ZNF845: variants seen among roughly 807,000 people sequenced by gnomAD.
ZNF845 encodes the protein zinc finger protein 845.
ZNF845 carries 59 observed loss-of-function variants against 76.1 expected under a neutral mutation model. The ratio of observed to expected loss-of-function variants is 0.78; its 90% CI spans 0.63 to 0.96. The LOEUF is 0.96. Ranked by LOEUF, ZNF845 falls within the 40% of genes least tolerant of loss-of-function variation. The pLI, the probability that ZNF845 is intolerant of heterozygous loss-of-function variation, is 0.00. For missense variants in ZNF845, 1,045 were observed against 1,172.8 expected (o/e 0.89, Z 1.59); for synonymous variants, 361 against 386.9 (o/e 0.93, Z 0.78).
chr19:53,343,647 CATAT>C (rs932134577), intron 2 of ZNF845, among the ~76,000 whole-genome samples: 12 of 152,138 alleles, frequency 7.9e-5, no homozygotes, highest in Non-Finnish European at 1.5e-4. Context: ...CATATACATA[CATAT>C]ATACACACAC....
At chr19:53,341,399 C>G (rs2085256102) in intron 2 of ZNF845, 77 bp downstream of exon 2, 19 of 1,599,512 alleles carry the variant, frequency 1.2e-5, no homozygotes, top group Non-Finnish European at 1.4e-5. Context: ...GGAATCTTCT[C>G]TGAGTCTGAA....
chr19:53,350,779 A>C (rs769904295), intron 3 of ZNF845, 39 bp from the exon 4 acceptor site: 1 of 1,594,554 alleles, frequency 6.3e-7, no homozygotes, highest in African/African-American at 1.4e-5. Context: ...TTTACCATCT[A>C]TACTTAAGTG....
Position 53,351,375 on chromosome 19 carries a change from C to T in ZNF845, c.700C>T (p.Gln234Ter). ...TTATAGCTCAGTCTTAAGGAAACATCAGATAATCCATTTAGGAGCGAAACA... is the reference window on the plus strand; with the variant it reads ...TTATAGCTCAGTCTTAAGGAAACATTAGATAATCCATTTAGGAGCGAAACA... Reference protein sequence around the residue: ...FNYSSVLRKHQIIHLGAKQYK... With the variant: ...FNYSSVLRKH Residue 234 changes from glutamine to a stop codon, truncating the protein, a stop_gained, in exon 4 of 4, where the codon CAG (glutamine) becomes TAG (stop). Coordinates refer to ENST00000458035, the MANE Select transcript of ZNF845 (RefSeq NM_138374.3). LOFTEE classifies it high-confidence loss of function. The T allele has an allele frequency of 6.2e-7, 1 of 1,614,174 alleles. No homozygotes were observed. The highest frequency in any genetic ancestry group is 8.5e-7 in the Non-Finnish European group (1 of 1,180,030).
At position 53,344,644 on chromosome 19, in the gene ZNF845, T is replaced by TGTTATGTTATGTTATG. The variant is rs1347350507; in HGVS notation, c.16-862_16-861insGTTATGTTATGTTATG. Among the ~76,000 whole-genome samples the TGTTATGTTATGTTATG allele has an allele frequency of 3.9e-4, 59 of 150,860 alleles. 1 individual carries two copies. Among genetic ancestry groups the TGTTATGTTATGTTATG allele is most frequent in the Admixed American group, 1.1e-3 (17 of 14,912 alleles). The stretch of plus-strand genomic sequence containing the variant: ...TTTTATTTTATTTTATTTTATTTTA[T>TGTTATGTTATGTTATG]TTTGGGATGGAGTTTCACTCTTGTT... On this transcript the variant is annotated intron_variant, in intron 2 of 3. Transcript: ENST00000458035.
intron 1 of ZNF845, among the ~76,000 whole-genome samples, chr19:53,335,978 G>A (rs1309134127): frequency 1.3e-5 from 2 of 149,578 alleles, no homozygotes; most frequent in Non-Finnish European, 3.0e-5. Context: ...GCGGAGGCAG[G>A]TGGATCACAA....
rs1360928511 is a variant in ZNF845, at chr19:53,354,944, A to C, written c.*1356A>C. 6.6e-6 allele frequency: 1 copy of C among 150,608 alleles called. No homozygotes were observed. Among genetic ancestry groups the C allele is most frequent in the Non-Finnish European group, 1.5e-5 (1 of 67,754 alleles). 9.3% of individuals were successfully genotyped at this position (150,608 alleles called of 1,614,324 possible). On this transcript the variant is annotated 3_prime_UTR_variant, in exon 4 of 4. Coordinates refer to ENST00000458035, the MANE Select transcript of ZNF845 (RefSeq NM_138374.3). The stretch of plus-strand genomic sequence containing the variant: ...GCTCTTTTCTTTTTTTTTGAGAAGG[A>C]GTCTCACTCTTGTCACTTGGACTGG...
At chr19:53,345,697 T>C (rs971556039) in intron 3 of ZNF845, 65 bp downstream of exon 3, 1 of 1,602,324 alleles carries the variant, frequency 6.2e-7, no homozygotes, top group African/African-American at 1.4e-5. Flanking sequence ...TTCTCTTTTT[T>C]TTAGATACAA....
At chr19:53,343,251 A>G (rs2085269700) in intron 2 of ZNF845, among the ~76,000 whole-genome samples, 1 of 152,166 alleles carries the variant, frequency 6.6e-6, no homozygotes. Context: ...CTGGTTGTGA[A>G]AATTTACATG....
In ZNF845 at chr19:53,353,833, A is replaced by G. The variant is rs1286254083; in HGVS notation, c.*245A>G. 7.0e-7 allele frequency: 1 copy of G among 1,418,564 alleles called. No homozygotes were observed. The allele number at this position is 1,418,564 out of a possible 1,614,324, so 87.9% of individuals were successfully genotyped here. A position where few individuals can be genotyped will look rare whatever the true frequency, so the allele number is the denominator to read the frequency against. On this transcript the variant is annotated 3_prime_UTR_variant, in exon 4 of 4. Coordinates refer to ENST00000458035, the MANE Select transcript of ZNF845 (RefSeq NM_138374.3). ...ATCAGGCAATCCATGGTATAGGGAA[A>G]CTTTACTAATGTAATGATTATCACA...
At chr19:53,343,655 CA>C (rs1427019216) in intron 2 of ZNF845, among the ~76,000 whole-genome samples, 1 of 152,190 alleles carries the variant, frequency 6.6e-6, no homozygotes, top group East Asian at 1.9e-4. Flanking sequence ...TACATATATA[CA>C]CACACGTATA....
At position 53,353,618 on chromosome 19, in the gene ZNF845, T is replaced by G. The variant is rs2085362766; in HGVS notation, c.*30T>G. ...ATGAAGAATGTGACAAAGTTTACAG[T>G]TGTAAATCAAGTCTTGAAAGACAGG... On this transcript the variant is annotated 3_prime_UTR_variant, in exon 4 of 4. Coordinates refer to ENST00000458035, the MANE Select transcript of ZNF845 (RefSeq NM_138374.3). The G allele has an allele frequency of 6.5e-7, 1 of 1,542,486 alleles. No individual in the cohort carries two copies. The highest frequency in any genetic ancestry group is 1.2e-5 in the South Asian group (1 of 80,374).
chr19:53,343,580 T>C (rs2085272592), intron 2 of ZNF845, among the ~76,000 whole-genome samples: 1 of 152,180 alleles, frequency 6.6e-6, no homozygotes, highest in African/African-American at 2.4e-5. Flanking sequence ...ACTTTTTATA[T>C]TTTTAAAACC....
intron 1 of ZNF845, 116 bp from the exon 2 acceptor site, chr19:53,341,119 T>G: frequency 1.0e-6 from 1 of 972,554 alleles, no homozygotes; most frequent in Non-Finnish European, 1.5e-6. Context: ...CCTGGTACAG[T>G]GGGCAGCAGA....
At chr19:53,343,440 G>A (rs983074150) in intron 2 of ZNF845, among the ~76,000 whole-genome samples, 1 of 152,098 alleles carries the variant, frequency 6.6e-6, no homozygotes, top group Admixed American at 6.6e-5. Flanking sequence ...CGGTTGAAAG[G>A]GTGATTGCTT....
At chr19:53,346,872 A>G (rs1039599624) in intron 3 of ZNF845, among the ~76,000 whole-genome samples, 2 of 124,528 alleles carry the variant, frequency 1.6e-5, no homozygotes, top group Non-Finnish European at 3.4e-5. Context: ...TTCTGTGTCT[A>G]TCCTTTTATT....
chr19:53,347,696 C>T (rs1467347715), intron 3 of ZNF845, among the ~76,000 whole-genome samples: 3 of 152,154 alleles, frequency 2.0e-5, no homozygotes, highest in East Asian at 1.9e-4. Context: ...TGTCAGCCTT[C>T]GGTGATGTTG....
Position 53,345,644 on chromosome 19 carries a change from T to G in ZNF845, c.142+12T>G. On this transcript the variant is annotated intron_variant, in intron 3 of 3. Transcript: ENST00000458035. ...CCTGGTCTCCCTGGGTGAGGATAAC[T>G]TCCCTCCAGAAGTGGGGATGTGCCC... 6.2e-7 allele frequency: 1 copy of G among 1,612,546 alleles called. No homozygotes were observed. Among genetic ancestry groups the G allele is most frequent in the South Asian group, 1.1e-5 (1 of 90,920 alleles).
intron 3 of ZNF845, among the ~76,000 whole-genome samples, chr19:53,350,583 G>A (rs1472833653): frequency 6.6e-6 from 1 of 152,122 alleles, no homozygotes; most frequent in African/African-American, 2.4e-5. Flanking sequence ...ATATACATTT[G>A]TGTGCTGTCA....
At chr19:53,346,322 A>T in intron 3 of ZNF845, 1 of 405,882 alleles carries the variant, frequency 2.5e-6, no homozygotes, top group Non-Finnish European at 5.0e-6. Context: ...ATGGAGTCTC[A>T]CTCTGTCGCC....
Sources: allele counts gnomAD v4.1 joint callset (sites outside exome capture counted in the v4.1 genomes callset), GRCh38; gene constraint gnomAD v4.1.1; transcripts MANE v1.5; gene names NCBI Gene and HGNC (gene_info 2026-07-23, HGNC 2026-07-21).